ANKFN1: variants seen among roughly 807,000 people sequenced by gnomAD.
ANKFN1 encodes the protein ankyrin repeat and fibronectin type III domain containing 1, also known as ankyrin repeat and fibronectin type-III domain-containing protein 1.
In ANKFN1, 74 loss-of-function variants were observed where a neutral mutation model predicts 108.7. The observed-to-expected ratio is 0.68, with a 90% CI of 0.56 to 0.83. The LOEUF (loss-of-function observed/expected upper bound fraction) is 0.83, where lower values mean the gene tolerates loss of function less well. Among genes scored for constraint, ANKFN1 ranks in the 40% least tolerant of loss-of-function variants. The pLI is 0.00. For synonymous variants in ANKFN1, 547 were observed against 516.2 expected (o/e 1.06, Z -0.81); for missense variants, 1,505 against 1,382.3 (o/e 1.09, Z -1.41).
chr17:56,145,335 T>C (rs1437465605), intron 4 of ANKFN1, among the ~76,000 whole-genome samples: 2 of 152,194 alleles, frequency 1.3e-5, no homozygotes, highest in Non-Finnish European at 2.9e-5. Flanking sequence ...GTAGTATTAG[T>C]CCATTCTCAT....
intron 4 of ANKFN1, among the ~76,000 whole-genome samples, chr17:56,084,817 C>A (rs941524048): frequency 1.3e-5 from 2 of 151,020 alleles, no homozygotes; most frequent in Admixed American, 1.3e-4. Flanking sequence ...TGGCTCTGGG[C>A]TGGGGATCTG....
At chr17:56,475,760 A>T (rs1482930790) in intron 15 of ANKFN1, among the ~76,000 whole-genome samples, 1 of 152,212 alleles carries the variant, frequency 6.6e-6, no homozygotes, top group African/African-American at 2.4e-5. Flanking sequence ...GTGGTAAGGC[A>T]CCTGAACTTT....
At chr17:56,496,795 A>G (rs535564107) in intron 19 of ANKFN1, among the ~76,000 whole-genome samples, 1 of 152,254 alleles carries the variant, frequency 6.6e-6, no homozygotes, top group South Asian at 2.1e-4. Flanking sequence ...CAGGTTCTGG[A>G]GCTTAAGATA....
At chr17:56,290,266 C>T (rs571950340) in intron 3 of ANKFN1, among the ~76,000 whole-genome samples, 9 of 152,314 alleles carry the variant, frequency 5.9e-5, no homozygotes, top group African/African-American at 2.2e-4. Flanking sequence ...TCTAGAATTA[C>T]AGCACCAACT....
At chr17:56,451,503 C>T (rs1289881807) in intron 11 of ANKFN1, among the ~76,000 whole-genome samples, 1 of 151,982 alleles carries the variant, frequency 6.6e-6, no homozygotes, top group Non-Finnish European at 1.5e-5. Flanking sequence ...CATTGAAATA[C>T]TATGTGGTTT....
intron 15 of ANKFN1, chr17:56,471,351 T>A (rs886424499): frequency 2.0e-5 from 3 of 152,146 alleles, no homozygotes; most frequent in African/African-American, 7.3e-5. Flanking sequence ...GCTTTCCTTT[T>A]CTTCTGCTTA....
chr17:56,343,048 A>G (rs1303687454), intron 4 of ANKFN1, among the ~76,000 whole-genome samples: 1 of 151,920 alleles, frequency 6.6e-6, no homozygotes, highest in Non-Finnish European at 1.5e-5. Flanking sequence ...ACCATTATGT[A>G]ATGTCTTTCT....
chr17:56,062,409 G>A (rs1309572377), intron 4 of ANKFN1, among the ~76,000 whole-genome samples: 1 of 152,106 alleles, frequency 6.6e-6, no homozygotes, highest in Admixed American at 6.6e-5. Context: ...ATGACTCTGG[G>A]TGCTCCTGTA....
intron 8 of ANKFN1, among the ~76,000 whole-genome samples, chr17:56,437,182 C>T (rs574141757): frequency 2.3e-4 from 35 of 152,272 alleles, no homozygotes; most frequent in East Asian, 1.2e-3. Flanking sequence ...TTCTTACAAC[C>T]GGCTTCTGTT....
chr17:56,086,231 A>G (rs1816364), intron 4 of ANKFN1, among the ~76,000 whole-genome samples: 10,751 of 150,578 alleles, frequency 0.071, 1,476 homozygotes, highest in African/African-American at 0.25. Context: ...ACATGGTGAA[A>G]TCATCTCTAC....
intron 2 of ANKFN1, among the ~76,000 whole-genome samples, chr17:56,218,511 G>T (rs1002783046): frequency 2.0e-5 from 3 of 151,796 alleles, no homozygotes; most frequent in Admixed American, 1.3e-4. Context: ...TAACTTTTTT[G>T]AGCTACTTTG....
chr17:56,311,976 CTCTTCGCGGTCTCCTCT>C (rs2045041994), intron 3 of ANKFN1, among the ~76,000 whole-genome samples: 1 of 152,194 alleles, frequency 6.6e-6, no homozygotes, highest in Non-Finnish European at 1.5e-5. Flanking sequence ...GAATCTAGAA[CTCTTCGCGGTCTCCTCT>C]TCAGGCCTAT....
intron 4 of ANKFN1, among the ~76,000 whole-genome samples, chr17:56,096,555 G>GA (rs567188677): frequency 1.3e-5 from 2 of 150,596 alleles, no homozygotes; most frequent in Admixed American, 6.6e-5. Flanking sequence ...AGGAACAACA[G>GA]AAAAAAAAAG....
At chr17:56,153,570 T>C (rs1374332206) in intron 1 of ANKFN1, 40 bp downstream of exon 1, 8 of 1,611,674 alleles carry the variant, frequency 5.0e-6, no homozygotes, top group Admixed American at 3.3e-5. Flanking sequence ...AATTGGTGTT[T>C]GGAGGCCATT....
At position 56,477,497 on chromosome 17, in the gene ANKFN1, T is replaced by G; in HGVS notation, c.1783T>G (p.Ser595Ala). The change falls in exon 16 of 21, where the codon TCC becomes GCC. Residue 595 changes from serine (S) to alanine (A), a missense_variant. Transcript: ENST00000682825. ...TTTTTTAACCCTACAGGATATTCTATCCTATCACAAAAGGAGTCATCAGCG... is the reference window on the plus strand; with the variant it reads ...TTTTTTAACCCTACAGGATATTCTAGCCTATCACAAAAGGAGTCATCAGCG... ...ILLITIQDIL[S>A]YHKRSHQRLF... The G allele has an allele frequency of 6.6e-7, 1 of 1,520,610 alleles. No individual in the cohort carries two copies. The highest frequency in any genetic ancestry group is 9.1e-7 in the Non-Finnish European group (1 of 1,104,268). The allele number at this position is 1,520,610 out of a possible 1,614,324, so 94.2% of individuals were successfully genotyped here. A position where few individuals can be genotyped will look rare whatever the true frequency, so the allele number is the denominator to read the frequency against.
intron 4 of ANKFN1, among the ~76,000 whole-genome samples, chr17:56,055,344 G>A (rs1318733333): frequency 3.3e-5 from 5 of 151,282 alleles, no homozygotes; most frequent in East Asian, 1.9e-4. Flanking sequence ...CTGTTTCTGA[G>A]TTAGTTCACT....
At chr17:56,056,508 A>T (rs1598084404) in intron 4 of ANKFN1, among the ~76,000 whole-genome samples, 1 of 152,146 alleles carries the variant, frequency 6.6e-6, no homozygotes, top group South Asian at 2.1e-4. Context: ...AGAGAACCCA[A>T]ATATAAAGCC....
intron 4 of ANKFN1, among the ~76,000 whole-genome samples, chr17:56,334,771 T>C (rs1404993441): frequency 1.3e-5 from 2 of 152,314 alleles, no homozygotes; most frequent in Admixed American, 1.3e-4. Flanking sequence ...ATACTTTTAA[T>C]ACTGTGCTTA....
At chr17:56,063,693 A>G (rs542375158) in intron 4 of ANKFN1, among the ~76,000 whole-genome samples, 1 of 152,108 alleles carries the variant, frequency 6.6e-6, no homozygotes, top group African/African-American at 2.4e-5. Context: ...GGGTTAGAAC[A>G]TGCTCCTTTA....
Sources: allele counts gnomAD v4.1 joint callset (sites outside exome capture counted in the v4.1 genomes callset), GRCh38; gene constraint gnomAD v4.1.1; transcripts MANE v1.5; gene names NCBI Gene and HGNC (gene_info 2026-07-23, HGNC 2026-07-21).